Variants in TMEM63C observed in about 807,000 individuals in gnomAD.
The protein encoded by TMEM63C is transmembrane protein 63C.
In TMEM63C, 32 loss-of-function variants were observed where a neutral mutation model predicts 99.2. That is an observed-to-expected ratio of 0.32 (90% confidence interval 0.24 to 0.43). The LOEUF (loss-of-function observed/expected upper bound fraction) is 0.43. Ranked by LOEUF, TMEM63C falls within the 20% of genes least tolerant of loss-of-function variation. The pLI, the probability that TMEM63C is intolerant of heterozygous loss-of-function variation, is 1.00. For missense variants in TMEM63C, 826 were observed against 1,053.0 expected, an observed-to-expected ratio of 0.78 and a Z score of 2.98; for synonymous variants, 376 against 397.9, an observed-to-expected ratio of 0.94 and a Z score of 0.66.
At chr14:77,205,893 A>G (rs4021325) in intron 1 of TMEM63C, among the ~76,000 whole-genome samples, 74,731 of 152,098 alleles carry the variant, frequency 0.49, 18,720 homozygotes, top group East Asian at 0.68. Context: ...TGCTAGCTGT[A>G]TGACCCTGGG....
chr14:77,219,007 C>G, intron 3 of TMEM63C, 44 bp downstream of exon 3: 1 of 1,476,214 alleles, frequency 6.8e-7, no homozygotes, highest in Non-Finnish European at 9.0e-7. Context: ...AAGCCTCAGA[C>G]AGGGTCGAAC....
At chr14:77,219,093 C>A in intron 3 of TMEM63C, 130 bp downstream of exon 3, 1 of 1,112,860 alleles carries the variant, frequency 9.0e-7, no homozygotes, top group Non-Finnish European at 1.2e-6. Context: ...GCCTGAATGT[C>A]AGTCCTGCCT....
At chr14:77,184,903 G>T (rs960957497) in intron 1 of TMEM63C, among the ~76,000 whole-genome samples, 1 of 152,176 alleles carries the variant, frequency 6.6e-6, no homozygotes, top group Admixed American at 6.5e-5. Context: ...CCAACTGAGG[G>T]TGGCTCTTAA....
chr14:77,190,257 T>C (rs1218283526), intron 1 of TMEM63C, among the ~76,000 whole-genome samples: 2 of 152,064 alleles, frequency 1.3e-5, no homozygotes, highest in Admixed American at 6.5e-5. Flanking sequence ...AACAGACCAA[T>C]AATCACTGAA....
At chr14:77,221,487 T>C (rs1594858771) in intron 5 of TMEM63C, among the ~76,000 whole-genome samples, 1 of 13,348 alleles carries the variant, frequency 7.5e-5, no homozygotes, top group African/African-American at 5.5e-4. Context: ...CATTCACGCC[T>C]CCCCTCCTAC....
Position 77,216,101 on chromosome 14 carries a change from G to A in TMEM63C, c.-14+2593G>A, listed in dbSNP as rs1888580497. 2.1e-5 allele frequency among the ~76,000 whole-genome samples: 3 copies of A among 145,284 alleles called. No individual in the cohort carries two copies. In the Admixed American group the frequency reaches 2.2e-4, roughly 10 times the overall value. Reference sequence around the variant, plus strand: ...GAGAGGAAGGAAGGTAGAAAAGAGAGAGGAAGGAAGGAAGGAAGGAGGGAG... The same window carrying A: ...GAGAGGAAGGAAGGTAGAAAAGAGAAAGGAAGGAAGGAAGGAAGGAGGGAG... On this transcript the variant is annotated intron_variant, in intron 2 of 23. Coordinates refer to ENST00000298351, the MANE Select transcript of TMEM63C (RefSeq NM_020431.4).
chr14:77,234,688 A>C (rs1219996410), intron 8 of TMEM63C, among the ~76,000 whole-genome samples: 1 of 152,196 alleles, frequency 6.6e-6, no homozygotes, highest in Admixed American at 6.5e-5. Context: ...AACCATGTAG[A>C]ATAAAGTGGG....
chr14:77,253,195 T>C lies in TMEM63C; in HGVS notation c.2149-110T>C, dbSNP rs1022875941. On this transcript the variant is annotated intron_variant, in intron 22 of 23. Transcript: ENST00000298351. Reference sequence around the variant, plus strand: ...AAGGTCTGGAAAGACAGAAGATGAGTTGAGTTCCAAGGTGGTGAGAAGCCC... The same window carrying C: ...AAGGTCTGGAAAGACAGAAGATGAGCTGAGTTCCAAGGTGGTGAGAAGCCC... 5 of 932,120 alleles carry C rather than the reference T, an allele frequency of 5.4e-6. No individual in the cohort carries two copies. In the African/African-American group the frequency reaches 6.5e-5, roughly 12 times the overall value. 57.7% of individuals were successfully genotyped at this position (932,120 alleles called of 1,614,324 possible). A position where few individuals can be genotyped will look rare whatever the true frequency, so the allele number is the denominator to read the frequency against.
chr14:77,257,301 G>C lies in TMEM63C; in HGVS notation c.*575G>C, dbSNP rs1889482835. On this transcript the variant is annotated 3_prime_UTR_variant, in exon 24 of 24. Transcript: ENST00000298351. Reference sequence around the variant, plus strand: ...AAAGTTTCTGCACCCACCAGAGCAAGAGCCAACTGAAAGCGTAGACCTGAG... The same window carrying C: ...AAAGTTTCTGCACCCACCAGAGCAACAGCCAACTGAAAGCGTAGACCTGAG... 6.5e-6 allele frequency: 1 copy of C among 153,318 alleles called. No individual in the cohort carries two copies. The highest frequency in any genetic ancestry group is 2.4e-5 in the African/African-American group (1 of 41,448). The allele number at this position is 153,318 out of a possible 1,614,324, so 9.5% of individuals were successfully genotyped here. A position where few individuals can be genotyped will look rare whatever the true frequency, so the allele number is the denominator to read the frequency against.
chr14:77,246,054 T>TC (rs755110722), intron 17 of TMEM63C, 28 bp downstream of exon 17: 4 of 1,552,808 alleles, frequency 2.6e-6, no homozygotes, highest in Non-Finnish European at 8.9e-7. Context: ...ATCCCTTCCT[T>TC]CTTAGCCAGG....
chr14:77,227,573 C>T (rs1888851341), intron 6 of TMEM63C, among the ~76,000 whole-genome samples: 1 of 152,198 alleles, frequency 6.6e-6, no homozygotes, highest in Non-Finnish European at 1.5e-5. Flanking sequence ...TAGTTGAAGT[C>T]ATGGGAGCAG....
rs1889467613 is a variant in TMEM63C at position 77,256,654 on chromosome 14, C to G, written c.2349C>G (p.Gly783=). ...GAGAAGAAGAGAGTGGTCTGAGGGG[C>G]TTTGCGAGGGAGCTAGACTCGGCCC... ...EEGEEESGLR[G]FARELDSAQF... Residue 783 remains glycine (G), a synonymous_variant, in exon 24 of 24, where the codon GGC becomes GGG. Transcript: ENST00000298351. 1 of 1,613,978 alleles carries G rather than the reference C, an allele frequency of 6.2e-7. No individual in the cohort carries two copies. The highest frequency in any genetic ancestry group is 8.5e-7 in the Non-Finnish European group (1 of 1,179,878).
At position 77,254,992 on chromosome 14, in the gene TMEM63C, T is replaced by C. The variant is rs563288550; in HGVS notation, c.2221-1534T>C. On this transcript the variant is annotated intron_variant, in intron 23 of 23. Transcript: ENST00000298351. ...GTACTGCACATACTGTTTTATAACC[T>C]TTTTTTGTGGGGTGGGGAAACAGAA... 7.4e-4 allele frequency among the ~76,000 whole-genome samples: 113 copies of C among 152,308 alleles called. 1 individual carries two copies. Among genetic ancestry groups the C allele is most frequent in the African/African-American group, 2.5e-3 (103 of 41,574 alleles).
intron 1 of TMEM63C, among the ~76,000 whole-genome samples, chr14:77,193,876 C>T (rs6574359): frequency 0.95 from 144,139 of 151,796 alleles, 68,864 homozygotes; most frequent in East Asian, 1. Context: ...AGTGGGCACC[C>T]GTGGTTCCAG....
intron 1 of TMEM63C, among the ~76,000 whole-genome samples, chr14:77,207,088 C>T (rs1888415082): frequency 6.6e-6 from 1 of 152,218 alleles, no homozygotes; most frequent in Non-Finnish European, 1.5e-5. Context: ...TCCAGCACCC[C>T]CTGGGCACCA....
chr14:77,238,342 G>A (rs1385922403), intron 9 of TMEM63C, among the ~76,000 whole-genome samples: 1 of 152,230 alleles, frequency 6.6e-6, no homozygotes, highest in Non-Finnish European at 1.5e-5. Flanking sequence ...CAATCATGGA[G>A]CTCTGATCCT....
chr14:77,218,247 G>C (rs1888625746), intron 2 of TMEM63C, among the ~76,000 whole-genome samples: 1 of 149,680 alleles, frequency 6.7e-6, no homozygotes. Context: ...AAAAGAGGGG[G>C]GTGTTTCTTG....
intron 14 of TMEM63C, among the ~76,000 whole-genome samples, 156 bp from the exon 15 acceptor site, chr14:77,242,747 A>G (rs1251134071): frequency 1.3e-5 from 2 of 152,054 alleles, no homozygotes; most frequent in African/African-American, 4.8e-5. Context: ...ATGGTGTGAC[A>G]GGGGACGGTC....
At chr14:77,185,980 A>C (rs952625852) in intron 1 of TMEM63C, among the ~76,000 whole-genome samples, 1 of 150,560 alleles carries the variant, frequency 6.6e-6, no homozygotes, top group African/African-American at 2.4e-5. Flanking sequence ...CCAGCTGTCC[A>C]GGGACCCCTG....
Sources: allele counts gnomAD v4.1 joint callset (sites outside exome capture counted in the v4.1 genomes callset), GRCh38; gene constraint gnomAD v4.1.1; transcripts MANE v1.5; gene names NCBI Gene and HGNC (gene_info 2026-07-23, HGNC 2026-07-21).